Variants in TBC1D8B observed in about 807,000 individuals in gnomAD.
TBC1D8B encodes RP11-321G1.1.
A neutral mutation model predicts 82.9 loss-of-function variants in TBC1D8B; 75 were observed. That is an observed-to-expected ratio of 0.90 (90% CI 0.75 to 1.10). The LOEUF (loss-of-function observed/expected upper bound fraction) is 1.10, where lower values mean the gene tolerates loss of function less well. TBC1D8B is among the 50% of genes least tolerant of loss of function. The probability of loss-of-function intolerance (pLI) is 0.00; values close to 1 mark genes in which losing one functional copy is unlikely to be tolerated. For missense variants in TBC1D8B, 794 were observed against 796.9 expected, an observed-to-expected ratio of 1.00 and a Z score of 0.04; for synonymous variants, 276 against 276.8, an observed-to-expected ratio of 1.00 and a Z score of 0.03.
chrX:106,835,921 A>G (rs186403893), intron 7 of TBC1D8B, among the ~76,000 whole-genome samples: 4 of 112,091 alleles, frequency 3.6e-5, no homozygotes, highest in African/African-American at 1.3e-4. Context: ...AGGAAGTTCC[A>G]GACTTTCCCA....
intron 14 of TBC1D8B, among the ~76,000 whole-genome samples, chrX:106,862,668 C>G (rs145781558): frequency 9.2e-6 from 1 of 108,910 alleles, no homozygotes; most frequent in East Asian, 2.9e-4. Context: ...TAAGGTGACA[C>G]TCTGGTTTTT....
At chrX:106,807,202 GC>G (rs11367075) in intron 1 of TBC1D8B, among the ~76,000 whole-genome samples, 6,440 of 96,601 alleles carry the variant, frequency 0.067, 507 homozygotes, top group African/African-American at 0.22. Flanking sequence ...AGATCTACCC[GC>G]CCCCCCCCAT....
rs1300005076 is a variant in TBC1D8B at position 106,818,665 on chromosome X, C to T, written c.133C>T (p.Leu45Phe). 1 of 1,193,827 alleles carries T rather than the reference C, an allele frequency of 8.4e-7. No individual in the cohort carries two copies. ...CAACAATCTTTCTATTACAACAGGG[C>T]TTCTGGTTGGGACTCTTGATTCAGT... Reference protein sequence around the residue: ...GEEGGGGLTGLLVGTLDSVLD... With the variant: ...GEEGGGGLTGFLVGTLDSVLD... The change falls in exon 2 of 21, where the codon CTT (leucine) becomes TTT (phenylalanine). Residue 45 changes from leucine (L) to phenylalanine (F), a missense_variant and splice_region_variant. Leu to Phe is a conservative substitution (Grantham distance 22). Coordinates refer to ENST00000357242, the MANE Select transcript of TBC1D8B (RefSeq NM_017752.3).
chrX:106,853,828 G>T (rs1397008568), intron 13 of TBC1D8B, among the ~76,000 whole-genome samples, 178 bp downstream of exon 13: 2 of 111,675 alleles, frequency 1.8e-5, no homozygotes, highest in East Asian at 5.6e-4. Flanking sequence ...AACCTCCTCT[G>T]CCTCAATTTG....
At position 106,836,525 on chromosome X, in the gene TBC1D8B, A is replaced by T. The variant is rs375310313; in HGVS notation, c.1204-2783A>T. 1.5e-3 allele frequency among the ~76,000 whole-genome samples: 165 copies of T among 110,376 alleles called. 1 individual carries two copies. Among genetic ancestry groups the T allele is most frequent in the African/African-American group, 5.0e-3 (153 of 30,414 alleles). On this transcript the variant is annotated intron_variant, in intron 7 of 20. Transcript: ENST00000357242. ...CTCAGTCATGGGCATTCTTTATCTTACTTAAGCTACTAAGGTTTACTAAAG... is the reference window on the plus strand; with the variant it reads ...CTCAGTCATGGGCATTCTTTATCTTTCTTAAGCTACTAAGGTTTACTAAAG...
intron 14 of TBC1D8B, among the ~76,000 whole-genome samples, chrX:106,857,947 A>C (rs1027059621): frequency 8.9e-6 from 1 of 112,223 alleles, no homozygotes; most frequent in African/African-American, 3.2e-5. Context: ...GGGATTTCTG[A>C]GTTGAATGGT....
At chrX:106,836,859 T>C (rs769838579) in intron 7 of TBC1D8B, among the ~76,000 whole-genome samples, 8 of 111,751 alleles carry the variant, frequency 7.2e-5, no homozygotes, top group African/African-American at 2.6e-4. Context: ...CAATGTAATA[T>C]AGTTGAGACT....
Position 106,853,629 on chromosome X carries a change from T to C in TBC1D8B, c.2232T>C (p.Asp744=). 1 of 1,208,240 alleles carries C rather than the reference T, an allele frequency of 8.3e-7. No homozygotes were observed. Among genetic ancestry groups the C allele is most frequent in the Non-Finnish European group, 1.1e-6 (1 of 893,066 alleles). Residue 744 remains aspartate (D), a synonymous_variant, in exon 13 of 21, where the codon GAT becomes GAC. Coordinates refer to ENST00000357242, the MANE Select transcript of TBC1D8B (RefSeq NM_017752.3). ...GTCATACTAGAGTGGATATTACAGATTTGATTAGAGAATCAAATGAGGTAA... is the reference window on the plus strand; with the variant it reads ...GTCATACTAGAGTGGATATTACAGACTTGATTAGAGAATCAAATGAGGTAA... ...KTSHTRVDIT[D]LIRESNEKYG... is the part of the protein sequence containing the mutation.
At position 106,870,800 on chromosome X, in the gene TBC1D8B, C is replaced by T; in HGVS notation, c.2954C>T (p.Pro985Leu). 8.4e-7 allele frequency: 1 copy of T among 1,190,568 alleles called. No homozygotes were observed. Among genetic ancestry groups the T allele is most frequent in the Non-Finnish European group, 1.1e-6 (1 of 880,418 alleles). ...AAAGAAGAAAACATTAAGGATTTAC[C>T]AAGAATGAATCAGGTATAGCATTTT... ...FKKEENIKDL[P>L]RMNQSQFIQF... Residue 985 changes from proline to leucine, a missense_variant, in exon 20 of 21, where the codon CCA becomes CTA. Transcript: ENST00000357242.
chrX:106,858,421 C>T (rs752154415), intron 14 of TBC1D8B, among the ~76,000 whole-genome samples: 5 of 111,724 alleles, frequency 4.5e-5, no homozygotes, highest in East Asian at 5.6e-4. Flanking sequence ...TACAGGCATC[C>T]GCCACCATGC....
chrX:106,806,527 G>A (rs768613635), intron 1 of TBC1D8B, among the ~76,000 whole-genome samples: 11 of 111,641 alleles, frequency 9.9e-5, no homozygotes, highest in Non-Finnish European at 1.7e-4. Context: ...ACTACTACAC[G>A]AATGGAGCTA....
chrX:106,818,616 T>G, intron 1 of TBC1D8B, 47 bp from the exon 2 acceptor site: 6 of 958,771 alleles, frequency 6.3e-6, no homozygotes, highest in Non-Finnish European at 7.3e-6. Flanking sequence ...CAGATTTGAT[T>G]TATCTCTTGT....
chrX:106,839,583 G>A (rs1267031984), intron 8 of TBC1D8B, 126 bp downstream of exon 8: 3 of 594,491 alleles, frequency 5.0e-6, no homozygotes, highest in East Asian at 7.5e-5. Context: ...TTTTCCAGCA[G>A]GTACTACTGT....
At chrX:106,852,899 C>T (rs1334291020) in intron 12 of TBC1D8B, among the ~76,000 whole-genome samples, 3 of 110,043 alleles carry the variant, frequency 2.7e-5, no homozygotes, top group African/African-American at 6.6e-5. Flanking sequence ...ATTGACTTGG[C>T]GATGCGGGCT....
intron 1 of TBC1D8B, among the ~76,000 whole-genome samples, chrX:106,816,333 A>G (rs1453431514): frequency 8.9e-6 from 1 of 111,782 alleles, no homozygotes; most frequent in Non-Finnish European, 1.9e-5. Context: ...TAAAATGCTC[A>G]GTAATTTTAA....
chrX:106,864,881 G>T (rs1932803683), intron 14 of TBC1D8B, among the ~76,000 whole-genome samples: 1 of 111,870 alleles, frequency 8.9e-6, no homozygotes, highest in Admixed American at 9.5e-5. Flanking sequence ...ATAGTCATTT[G>T]TGATTTCTTT....
At chrX:106,814,168 C>A (rs972532429) in intron 1 of TBC1D8B, 1 of 111,302 alleles carries the variant, frequency 9.0e-6, no homozygotes, top group African/African-American at 3.3e-5. Context: ...TTATCCATGT[C>A]CCTACAAAGG....
chrX:106,805,782 A>C (rs1931168931), intron 1 of TBC1D8B, among the ~76,000 whole-genome samples: 2 of 112,471 alleles, frequency 1.8e-5, no homozygotes, highest in South Asian at 7.4e-4. Flanking sequence ...ACTTAAAATC[A>C]TGAAGCCAAA....
At chrX:106,871,528 A>G (rs1294172182) in intron 20 of TBC1D8B, among the ~76,000 whole-genome samples, 1 of 112,059 alleles carries the variant, frequency 8.9e-6, no homozygotes, top group African/African-American at 3.2e-5. Context: ...TCATCAACAT[A>G]GAAGAAAATG....
Sources: allele counts gnomAD v4.1 joint callset (sites outside exome capture counted in the v4.1 genomes callset), GRCh38; gene constraint gnomAD v4.1.1; transcripts MANE v1.5; gene names NCBI Gene and HGNC (gene_info 2026-07-23, HGNC 2026-07-21).